POLR3B: variants seen among roughly 807,000 people sequenced by gnomAD.
The protein encoded by POLR3B is DNA-directed RNA polymerase III subunit RPC2.
In POLR3B, 96 loss-of-function variants were observed where a neutral mutation model predicts 147.4. The observed-to-expected ratio is 0.65, with a 90% CI of 0.55 to 0.77. The LOEUF is 0.77. POLR3B is among the 30% of genes least tolerant of loss of function. The pLI is 0.00. For missense variants in POLR3B, 1,036 were observed against 1,413.5 expected, an observed-to-expected ratio of 0.73 and a Z score of 4.28; for synonymous variants, 461 against 485.9, an observed-to-expected ratio of 0.95 and a Z score of 0.67.
At chr12:106,464,554 C>G (rs7297673) in intron 23 of POLR3B, among the ~76,000 whole-genome samples, 1 of 152,170 alleles carries the variant, frequency 6.6e-6, no homozygotes, top group Non-Finnish European at 1.5e-5. Context: ...CTCTTAATTA[C>G]TAGGCCACAC....
rs1168433879 is a variant in POLR3B at position 106,357,846 on chromosome 12, G to C, written c.-34G>C. 1 of 1,606,104 alleles carries C rather than the reference G, an allele frequency of 6.2e-7. No homozygotes were observed. Among genetic ancestry groups the C allele is most frequent in the Admixed American group, 1.7e-5 (1 of 59,090 alleles). ...TTGGTGCAGGGAAGGCGGGCGCGGAGGTTCTATCTGTTTCTTCCTCCTTCG... is the reference window on the plus strand; with the variant it reads ...TTGGTGCAGGGAAGGCGGGCGCGGACGTTCTATCTGTTTCTTCCTCCTTCG... On this transcript the variant is annotated 5_prime_UTR_variant, in exon 1 of 28. Coordinates refer to ENST00000228347, the MANE Select transcript of POLR3B (RefSeq NM_018082.6).
intron 11 of POLR3B, chr12:106,410,396 G>C (rs192721600): frequency 2.5e-5 from 5 of 198,510 alleles, no homozygotes; most frequent in Non-Finnish European, 4.2e-5. Context: ...GCAACAGAGC[G>C]TTCTGGACTT....
At chr12:106,403,954 A>C (rs2037111427) in intron 10 of POLR3B, among the ~76,000 whole-genome samples, 1 of 152,020 alleles carries the variant, frequency 6.6e-6, no homozygotes, top group East Asian at 1.9e-4. Flanking sequence ...TAAAACTTAA[A>C]GTGTAATAAT....
intron 21 of POLR3B, among the ~76,000 whole-genome samples, chr12:106,458,110 T>C (rs2037888105): frequency 6.6e-6 from 1 of 151,986 alleles, no homozygotes; most frequent in South Asian, 2.1e-4. Context: ...GTTAGTATTG[T>C]CTTTATTTTA....
At chr12:106,386,505 T>G (rs1410139958) in intron 9 of POLR3B, among the ~76,000 whole-genome samples, 1 of 152,096 alleles carries the variant, frequency 6.6e-6, no homozygotes, top group South Asian at 2.1e-4. Flanking sequence ...ATAAATTAAT[T>G]ATAATGCATA....
At chr12:106,409,137 CAAGA>C (rs755601487) in intron 11 of POLR3B, among the ~76,000 whole-genome samples, 24 of 151,990 alleles carry the variant, frequency 1.6e-4, no homozygotes, top group Non-Finnish European at 3.1e-4. Flanking sequence ...TTCTCATTAA[CAAGA>C]AAGATAACTA....
chr12:106,496,451 T>C, intron 24 of POLR3B: 1 of 599,616 alleles, frequency 1.7e-6, no homozygotes, highest in South Asian at 2.0e-5. Flanking sequence ...TGGATCTCCC[T>C]TTCAGTGATT....
At position 106,509,554 on chromosome 12, in the gene POLR3B, G is replaced by A. The variant is rs373363499; in HGVS notation, c.*5G>A. ...CTGTCCAAGTACAATGAATGAGGAT[G>A]GAAAAAATGATTATTAAAGAGAACA... On this transcript the variant is annotated 3_prime_UTR_variant, in exon 28 of 28. Coordinates refer to ENST00000228347, the MANE Select transcript of POLR3B (RefSeq NM_018082.6). 412 of 1,610,534 alleles carry A rather than the reference G, an allele frequency of 2.6e-4. 2 individuals carry two copies. The highest frequency in any genetic ancestry group is 2.0e-3 in the Middle Eastern group (12 of 6,048).
chr12:106,406,433 CAT>C (rs1159838901), intron 11 of POLR3B, among the ~76,000 whole-genome samples: 3 of 152,120 alleles, frequency 2.0e-5, no homozygotes, highest in Admixed American at 6.5e-5. Flanking sequence ...ATATGCGTAA[CAT>C]AAAGTTTACT....
At chr12:106,488,867 CA>C (rs1445112418) in intron 23 of POLR3B, among the ~76,000 whole-genome samples, 5 of 152,114 alleles carry the variant, frequency 3.3e-5, no homozygotes, top group African/African-American at 1.2e-4. Context: ...AAATCTTTAA[CA>C]AAAATTATCT....
chr12:106,448,605 T>C (rs1714960410), intron 19 of POLR3B, among the ~76,000 whole-genome samples: 1 of 150,776 alleles, frequency 6.6e-6, no homozygotes, highest in South Asian at 2.1e-4. Flanking sequence ...CCCAGCTAAT[T>C]TTTTTTTGTT....
chr12:106,381,992 G>A (rs984732918), intron 9 of POLR3B: 1 of 152,224 alleles, frequency 6.6e-6, no homozygotes, highest in African/African-American at 2.4e-5. Flanking sequence ...TGCGCTAGTA[G>A]GAGTGTGAGG....
At chr12:106,404,966 C>T (rs1025043102) in intron 10 of POLR3B, among the ~76,000 whole-genome samples, 7 of 152,080 alleles carry the variant, frequency 4.6e-5, no homozygotes, top group Non-Finnish European at 1.0e-4. Flanking sequence ...GTTGTTTCAA[C>T]ACCATTTGTT....
At chr12:106,379,947 G>A in intron 8 of POLR3B, 84 bp from the exon 9 acceptor site, 3 of 787,888 alleles carry the variant, frequency 3.8e-6, no homozygotes. Context: ...GACCCTTATT[G>A]ATTAATGATC....
intron 25 of POLR3B, chr12:106,500,002 C>T (rs1460007563): frequency 2.3e-6 from 1 of 438,852 alleles, no homozygotes; most frequent in Non-Finnish European, 4.6e-6. Context: ...TTACTTGTTC[C>T]AAATCAGACC....
At chr12:106,412,032 C>T (rs2037234184) in intron 12 of POLR3B, among the ~76,000 whole-genome samples, 1 of 152,168 alleles carries the variant, frequency 6.6e-6, no homozygotes, top group Non-Finnish European at 1.5e-5. Flanking sequence ...ACCTTTGCTG[C>T]TAATTTCAAC....
chr12:106,376,215 G>GT, intron 6 of POLR3B, 144 bp from the exon 7 acceptor site: 1 of 679,008 alleles, frequency 1.5e-6, no homozygotes. Flanking sequence ...TGGCTTCCAT[G>GT]TAATTGCTAT....
chr12:106,464,794 T>G (rs976261737), intron 23 of POLR3B, among the ~76,000 whole-genome samples: 114 of 152,352 alleles, frequency 7.5e-4, no homozygotes, highest in Middle Eastern at 3.4e-3. Flanking sequence ...GATTTTAAGT[T>G]TCTTTGCCAA....
At position 106,366,667 on chromosome 12, in the gene POLR3B, A is replaced by T. The variant is rs568682674; in HGVS notation, c.172A>T (p.Ile58Leu). Reference protein sequence around the residue: ...NYFINVEIKKIMKANEKVTSD... With the variant: ...NYFINVEIKKLMKANEKVTSD... ...GCATTTTCCACTGCAGATAAAGAAG[A>T]TAATGAAAGCCAATGAAAAGGTTAC... Residue 58 changes from isoleucine to leucine, a missense_variant, in exon 4 of 28, where the codon ATA (isoleucine) becomes TTA (leucine). Physicochemically the swap from Ile to Leu is conservative, Grantham distance 5. Coordinates refer to ENST00000228347, the MANE Select transcript of POLR3B (RefSeq NM_018082.6). The T allele has an allele frequency of 6.2e-7, 1 of 1,613,748 alleles. No individual in the cohort carries two copies. Among genetic ancestry groups the T allele is most frequent in the South Asian group, 1.1e-5 (1 of 91,086 alleles).
Sources: allele counts gnomAD v4.1 joint callset (sites outside exome capture counted in the v4.1 genomes callset), GRCh38; gene constraint gnomAD v4.1.1; transcripts MANE v1.5; gene names NCBI Gene and HGNC (gene_info 2026-07-23, HGNC 2026-07-21).